The following PAG1 variants were observed in gnomAD, a reference collection of about 807,000 sequenced individuals.
PAG1 encodes phosphoprotein membrane anchor with glycosphingolipid microdomains 1.
In PAG1, 23 loss-of-function variants were observed where a neutral mutation model predicts 31.7. That is an observed-to-expected ratio of 0.73 (90% CI 0.52 to 1.03). PAG1 has a LOEUF of 1.03. Ranked by LOEUF, PAG1 falls within the 50% of genes least tolerant of loss-of-function variation. PAG1 has a pLI of 0.00. For synonymous variants in PAG1, 214 were observed against 210.3 expected (o/e 1.02, Z -0.15); for missense variants, 473 against 540.7 (o/e 0.87, Z 1.24).
chr8:80,995,773 A>G (rs1563622234), intron 3 of PAG1, among the ~76,000 whole-genome samples: 1 of 152,222 alleles, frequency 6.6e-6, no homozygotes, highest in African/African-American at 2.4e-5. Flanking sequence ...GGAATCGCCA[A>G]CAACTCTCTC....
intron 2 of PAG1, among the ~76,000 whole-genome samples, chr8:81,066,253 T>C (rs1390562925): frequency 6.6e-6 from 1 of 152,248 alleles, no homozygotes; most frequent in African/African-American, 2.4e-5. Flanking sequence ...ATTTGCAAAG[T>C]AGCATAGAAA....
chr8:81,092,859 T>C (rs1809470353), intron 1 of PAG1, among the ~76,000 whole-genome samples: 1 of 152,220 alleles, frequency 6.6e-6, no homozygotes, highest in African/African-American at 2.4e-5. Context: ...GGAGAAATTA[T>C]ATGAGAATTG....
chr8:81,094,029 G>C (rs892334616), intron 1 of PAG1, among the ~76,000 whole-genome samples: 8 of 152,180 alleles, frequency 5.3e-5, no homozygotes, highest in African/African-American at 1.9e-4. Flanking sequence ...TGGGGTGTGG[G>C]CTGACATTCT....
chr8:80,974,768 T>C lies in PAG1; in HGVS notation c.*1776A>G, dbSNP rs1261187504. ...AAAAGTCACAGATGTCACAAGGGGATGAAATAATTTCCTCATTTTTTTTCT... is the reference window on the plus strand; with the variant it reads ...AAAAGTCACAGATGTCACAAGGGGACGAAATAATTTCCTCATTTTTTTTCT... On this transcript the variant is annotated 3_prime_UTR_variant, in exon 9 of 9. Coordinates refer to ENST00000220597, the MANE Select transcript of PAG1 (RefSeq NM_018440.4). 2.0e-5 allele frequency: 3 copies of C among 152,248 alleles called. No homozygotes were observed. In the East Asian group the frequency reaches 5.8e-4, roughly 29 times the overall value. The allele number at this position is 152,248 out of a possible 1,614,324, so 9.4% of individuals were successfully genotyped here.
chr8:81,045,423 C>T (rs1808625536), intron 2 of PAG1, among the ~76,000 whole-genome samples: 1 of 152,214 alleles, frequency 6.6e-6, no homozygotes, highest in African/African-American at 2.4e-5. Context: ...TAAAGCTGCA[C>T]TATGGTGCTT....
At chr8:81,101,037 GT>G (rs1223509683) in intron 1 of PAG1, among the ~76,000 whole-genome samples, 2 of 152,238 alleles carry the variant, frequency 1.3e-5, no homozygotes, top group African/African-American at 4.8e-5. Flanking sequence ...AATTCAGGAT[GT>G]GACATGCCAC....
At chr8:81,104,873 A>G (rs1461505320) in intron 1 of PAG1, among the ~76,000 whole-genome samples, 3 of 152,014 alleles carry the variant, frequency 2.0e-5, no homozygotes, top group Non-Finnish European at 4.4e-5. Flanking sequence ...AAGTACTCAA[A>G]TTCATCTACA....
intron 1 of PAG1, among the ~76,000 whole-genome samples, chr8:81,088,337 A>G (rs534661725): frequency 4.6e-5 from 7 of 152,310 alleles, no homozygotes; most frequent in African/African-American, 7.2e-5. Flanking sequence ...CACTAAAATA[A>G]GCATTCCATA....
At position 80,985,262 on chromosome 8, in the gene PAG1, A is replaced by C; in HGVS notation, c.390T>G (p.Ser130Arg). Residue 130 changes from serine (S) to arginine (R), a missense_variant, in exon 7 of 9, where the codon AGT (serine) becomes AGG (arginine). Transcript: ENST00000220597. ...CGGGAGGGATTCTGGGCAGCTCCCGACTCTGATGACATTTTGGTTTCCCTG... is the reference window on the plus strand; with the variant it reads ...CGGGAGGGATTCTGGGCAGCTCCCGCCTCTGATGACATTTTGGTTTCCCTG... ...DSTGKPKCHQ[S>R]RELPRIPPES... 6.2e-7 allele frequency: 1 copy of C among 1,613,576 alleles called. No individual in the cohort carries two copies. The highest frequency in any genetic ancestry group is 8.5e-7 in the Non-Finnish European group (1 of 1,179,910).
At chr8:81,031,550 A>G (rs1808378166) in intron 2 of PAG1, among the ~76,000 whole-genome samples, 1 of 152,288 alleles carries the variant, frequency 6.6e-6, no homozygotes, top group Non-Finnish European at 1.5e-5. Context: ...TTAGCCAGAA[A>G]TATGAGCAAG....
intron 3 of PAG1, among the ~76,000 whole-genome samples, chr8:80,999,755 A>C (rs973704989): frequency 1.3e-5 from 2 of 152,224 alleles, no homozygotes; most frequent in Non-Finnish European, 2.9e-5. Flanking sequence ...AATATAGTTT[A>C]TTGTTTATAA....
chr8:81,007,851 G>GCTT (rs1409881177), intron 3 of PAG1, among the ~76,000 whole-genome samples: 1 of 152,102 alleles, frequency 6.6e-6, no homozygotes, highest in Non-Finnish European at 1.5e-5. Context: ...CCCTGCCAAT[G>GCTT]CTTACTGTGA....
At chr8:81,026,165 T>C (rs1362774392) in intron 3 of PAG1, among the ~76,000 whole-genome samples, 2 of 152,026 alleles carry the variant, frequency 1.3e-5, no homozygotes, top group African/African-American at 4.8e-5. Flanking sequence ...CTTAGACCAG[T>C]GCTTGCCTCG....
At chr8:80,996,033 T>C (rs957789165) in intron 3 of PAG1, among the ~76,000 whole-genome samples, 4 of 152,254 alleles carry the variant, frequency 2.6e-5, no homozygotes, top group Non-Finnish European at 5.9e-5. Context: ...GTTCTTACTG[T>C]GGACAAAATT....
intron 2 of PAG1, among the ~76,000 whole-genome samples, chr8:81,044,891 G>A (rs1305309314): frequency 6.6e-6 from 1 of 152,118 alleles, no homozygotes; most frequent in East Asian, 1.9e-4. Flanking sequence ...CCTTCTCCAT[G>A]AGCTGTTTCT....
chr8:81,009,887 T>C (rs1807950352), intron 3 of PAG1, among the ~76,000 whole-genome samples: 1 of 152,218 alleles, frequency 6.6e-6, no homozygotes, highest in Non-Finnish European at 1.5e-5. Context: ...AGTGCTGGGA[T>C]CACAGGTGTG....
intron 3 of PAG1, among the ~76,000 whole-genome samples, chr8:81,028,373 G>T (rs188908868): frequency 2.2e-3 from 335 of 152,288 alleles, no homozygotes; most frequent in Non-Finnish European, 2.7e-3. Context: ...ATCTTTGGCA[G>T]CATACACTTG....
At chr8:81,004,061 A>G (rs982464196) in intron 3 of PAG1, among the ~76,000 whole-genome samples, 1 of 152,222 alleles carries the variant, frequency 6.6e-6, no homozygotes, top group African/African-American at 2.4e-5. Context: ...TTTCATTAAC[A>G]TGTACTTGGC....
intron 1 of PAG1, among the ~76,000 whole-genome samples, chr8:81,088,633 C>T (rs1185147988): frequency 1.3e-5 from 2 of 151,924 alleles, no homozygotes; most frequent in East Asian, 1.9e-4. Context: ...TACTAAGTCA[C>T]AAAAAAAGAG....
Sources: gnomAD v4.1 joint callset for allele counts (sites outside exome capture counted in the v4.1 genomes callset) on GRCh38, gnomAD v4.1.1 for gene constraint, MANE v1.5 for transcripts, NCBI Gene and HGNC (gene_info 2026-07-23, HGNC 2026-07-21) for gene names.